Variants in MCM3 observed in about 807,000 individuals in gnomAD.
MCM3 encodes the protein minichromosome maintenance complex component 3, also known as DNA replication licensing factor MCM3.
A neutral mutation model predicts 91.3 loss-of-function variants in MCM3; 59 were observed. The observed-to-expected ratio is 0.65, with a 90% CI of 0.52 to 0.80. MCM3 has a LOEUF of 0.80. Ranked by LOEUF, MCM3 falls within the 30% of genes least tolerant of loss-of-function variation. The pLI is 0.00. For synonymous variants in MCM3, 383 were observed against 379.6 expected (o/e 1.01, Z -0.10); for missense variants, 919 against 1,035.4 (o/e 0.89, Z 1.54).
In MCM3 at chr6:52,276,335, G is replaced by C. The variant is rs1453972184; in HGVS notation, c.1307C>G (p.Ala436Gly). The change falls in exon 9 of 17, where the codon GCT (alanine) becomes GGT (glycine). Residue 436 changes from alanine to glycine, a missense_variant. Around this residue, in one of 3 missense-constraint regions of MCM3, gnomAD observed 233 missense variants for 321.2 expected, o/e 0.73. Coordinates refer to ENST00000596288, the MANE Select transcript of MCM3 (RefSeq NM_002388.6). ...MEQGRVTIAK[A>G]GIHARLNARC... The stretch of plus-strand genomic sequence containing the variant: ...GGCATTCAGCCGAGCATGGATGCCA[G>C]CCTTGGCAATGGTCACTCGACCCTG... The C allele has an allele frequency of 2.5e-6, 4 of 1,613,728 alleles. No homozygotes were observed. Among genetic ancestry groups the C allele is most frequent in the Non-Finnish European group, 3.4e-6 (4 of 1,180,016 alleles).
At chr6:52,276,076 T>G (rs964792638) in intron 9 of MCM3, 192 bp downstream of exon 9, 2 of 592,398 alleles carry the variant, frequency 3.4e-6, no homozygotes, top group South Asian at 2.1e-5. Context: ...TAAGGAACTT[T>G]CCAGGGGATT....
chr6:52,276,923 C>G lies in MCM3; in HGVS notation c.1165+144G>C. On this transcript the variant is annotated intron_variant, in intron 8 of 16. Coordinates refer to ENST00000596288, the MANE Select transcript of MCM3 (RefSeq NM_002388.6). The stretch of plus-strand genomic sequence containing the variant: ...GAACACCAAAGACTTAAATAATTCA[C>G]CCACCATTGCTGAATACTCAGTCCT... 3.4e-6 allele frequency: 3 copies of G among 874,816 alleles called. No individual in the cohort carries two copies. The South Asian group carries it at 5.6e-5, about 16-fold the overall frequency. 54.2% of individuals were successfully genotyped at this position (874,816 alleles called of 1,614,324 possible). A position where few individuals can be genotyped will look rare whatever the true frequency, so the allele number is the denominator to read the frequency against.
intron 12 of MCM3, among the ~76,000 whole-genome samples, chr6:52,269,471 C>T (rs1232852686): frequency 1.3e-5 from 2 of 152,046 alleles, no homozygotes; most frequent in African/African-American, 2.4e-5. Context: ...AGGCATCTAA[C>T]AACTGGAAAG....
Position 52,282,143 on chromosome 6 carries a change from C to G in MCM3, c.433G>C (p.Val145Leu). 1.2e-6 allele frequency: 2 copies of G among 1,614,084 alleles called. No individual in the cohort carries two copies. The highest frequency in any genetic ancestry group is 1.7e-6 in the Non-Finnish European group (2 of 1,179,990). ...TTCTTAGTAGCAGGACAGTAGTGGA[C>G]ACTGCGGACGACTTTGGGACGAACT... The part of the protein sequence containing the change: ...SLVRPKVVRS[V>L]HYCPATKKTI... Residue 145 changes from valine (V) to leucine (L), a missense_variant, in exon 4 of 17, where the codon GTC becomes CTC. This residue lies in a region of MCM3 where 401 missense variants were observed against 402.7 expected (regional missense o/e 1.00). Transcript: ENST00000596288.
chr6:52,264,740 G>T lies in MCM3; in HGVS notation c.2275C>A (p.His759Asn), dbSNP rs780753349. Residue 759 changes from histidine to asparagine, a missense_variant, in exon 17 of 17, where the codon CAT (histidine) becomes AAT (asparagine). His to Asn is a moderately conservative substitution (Grantham distance 68). Transcript: ENST00000596288. ...VALLDVFREAHAQSIGMNRLT... is the reference protein window; with the variant it reads ...VALLDVFREANAQSIGMNRLT... ...CGATTCATGCCGATTGACTGCGCAT[G>T]AGCTTCCCGGAACACATCCAAGAGG... 1.9e-6 allele frequency: 3 copies of T among 1,614,152 alleles called. No homozygotes were observed. In the South Asian group the frequency reaches 3.3e-5, roughly 18 times the overall value.
At chr6:52,275,298 G>A (rs1373151424) in intron 9 of MCM3, among the ~76,000 whole-genome samples, 1 of 152,148 alleles carries the variant, frequency 6.6e-6, no homozygotes, top group East Asian at 1.9e-4. Flanking sequence ...CATGAGCTCT[G>A]GGCTCAAATC....
In MCM3 at chr6:52,276,438, C is replaced by T; in HGVS notation, c.1204G>A (p.Asp402Asn). ...RLEAGAMVLADRGVVCIDEFD... is the reference protein window; with the variant it reads ...RLEAGAMVLANRGVVCIDEFD... ...TCATCAATGCAAACCACGCCTCGGTCAGCCAGGACCATGGCCCCTGCTTCC... is the reference window on the plus strand; with the variant it reads ...TCATCAATGCAAACCACGCCTCGGTTAGCCAGGACCATGGCCCCTGCTTCC... Residue 402 changes from aspartate to asparagine, a missense_variant, in exon 9 of 17, where the codon GAC (aspartate) becomes AAC (asparagine). By Grantham distance (23) the Asp-to-Asn change is conservative. Coordinates refer to ENST00000596288, the MANE Select transcript of MCM3 (RefSeq NM_002388.6). The T allele has an allele frequency of 6.2e-7, 1 of 1,614,206 alleles. No individual in the cohort carries two copies. Among genetic ancestry groups the T allele is most frequent in the Non-Finnish European group, 8.5e-7 (1 of 1,180,048 alleles).
chr6:52,268,288 A>C (rs1465710661), intron 13 of MCM3, among the ~76,000 whole-genome samples: 1 of 152,228 alleles, frequency 6.6e-6, no homozygotes, highest in Non-Finnish European at 1.5e-5. Context: ...CAGGTGTCTA[A>C]TTGAAATCCA....
chr6:52,279,264 G>C (rs890277398), intron 5 of MCM3, 97 bp downstream of exon 5: 1 of 1,032,372 alleles, frequency 9.7e-7, no homozygotes, highest in African/African-American at 1.6e-5. Context: ...CCACCTATCA[G>C]ATATAACTCT....
In MCM3 at chr6:52,269,219, G is replaced by C. The variant is rs1764901622; in HGVS notation, c.1835C>G (p.Pro612Arg). 1 of 1,610,050 alleles carries C rather than the reference G, an allele frequency of 6.2e-7. No homozygotes were observed. Among genetic ancestry groups the C allele is most frequent in the Non-Finnish European group, 8.5e-7 (1 of 1,176,928 alleles). The change falls in exon 13 of 17, where the codon CCA becomes CGA. Residue 612 changes from proline (P) to arginine (R), a missense_variant. Coordinates refer to ENST00000596288, the MANE Select transcript of MCM3 (RefSeq NM_002388.6). ...AGTTTCCAGTGTTCGGGCTGTAACT[G>C]GAGATGTCTAGGGAAGAAAAGGGAG... ...SMSSDTARTSPVTARTLETLI... is the reference protein window; with the variant it reads ...SMSSDTARTSRVTARTLETLI...
intron 7 of MCM3, 83 bp from the exon 8 acceptor site, chr6:52,277,281 C>T: frequency 6.8e-7 from 1 of 1,463,446 alleles, no homozygotes; most frequent in South Asian, 1.2e-5. Context: ...CAGCTCTTGA[C>T]ACAACAGAGT....
chr6:52,266,572 C>G (rs370609849), intron 15 of MCM3, 39 bp downstream of exon 15: 7 of 1,576,000 alleles, frequency 4.4e-6, no homozygotes, highest in Non-Finnish European at 4.4e-6. Context: ...CCAAGAGTCA[C>G]AGGAACAACC....
chr6:52,277,492 C>A (rs764473112), intron 7 of MCM3, 43 bp downstream of exon 7: 15 of 1,576,584 alleles, frequency 9.5e-6, no homozygotes, highest in East Asian at 6.7e-5. Context: ...TCCACAACCA[C>A]TCCATCAGAA....
chr6:52,273,750 T>A lies in MCM3; in HGVS notation c.1541A>T (p.Asp514Val), dbSNP rs764515115. ...TATTCTTATGGCCTCACCATCGCCA[T>A]CCTGCTCCCCAGGTGCTCTGTAACG... is the stretch of plus-strand genomic sequence containing the variant. Reference protein sequence around the residue: ...MHRYRAPGEQDGDAMPLGSAV... With the variant: ...MHRYRAPGEQVGDAMPLGSAV... Residue 514 changes from aspartate to valine, a missense_variant, in exon 10 of 17, where the codon GAT becomes GTT. By Grantham distance (152) the Asp-to-Val change is radical. Transcript: ENST00000596288. 1.2e-6 allele frequency: 2 copies of A among 1,610,272 alleles called. No individual in the cohort carries two copies. The highest frequency in any genetic ancestry group is 1.1e-5 in the South Asian group (1 of 90,704).
chr6:52,281,921 GGATT>G (rs1766132109), intron 4 of MCM3, 120 bp downstream of exon 4: 1 of 910,112 alleles, frequency 1.1e-6, no homozygotes, highest in Non-Finnish European at 1.6e-6. Flanking sequence ...TCTTTCCTTT[GGATT>G]AATCCTTATT....
Position 52,264,691 on chromosome 6 carries a change from T to C in MCM3, c.2324A>G (p.Asp775Gly). 2 of 1,614,176 alleles carry C rather than the reference T, an allele frequency of 1.2e-6. No homozygotes were observed. The highest frequency in any genetic ancestry group is 1.7e-6 in the Non-Finnish European group (2 of 1,180,018). ...AACTGAAGAGAAGGGCTCTTCGCTG[T>C]CCCGGTTGATGGATTCTGTGAGGCG... ...MNRLTESINR[D>G]SEEPFSSVEI... Residue 775 changes from aspartate to glycine, a missense_variant, in exon 17 of 17, where the codon GAC becomes GGC. Physicochemically the swap from Asp to Gly is moderately conservative, Grantham distance 94. Transcript: ENST00000596288.
chr6:52,266,630 T>A lies in MCM3; in HGVS notation c.2139A>T (p.Thr713=), dbSNP rs1764664572. Residue 713 remains threonine (T), a synonymous_variant, in exon 15 of 17, where the codon ACA becomes ACT. Transcript: ENST00000596288. ...ACTCACCTTGAGGCATTTCCTCCTC[T>A]GTGTCACTGAAGTCATAGGGGTCGT... The part of the protein sequence containing the change: ...DSYDPYDFSD[T]EEEMPQVHTP... 2 of 1,614,136 alleles carry A rather than the reference T, an allele frequency of 1.2e-6. No homozygotes were observed. Among genetic ancestry groups the A allele is most frequent in the African/African-American group, 2.7e-5 (2 of 75,048 alleles).
chr6:52,266,731 G>A (rs1307072937), intron 14 of MCM3, 35 bp from the exon 15 acceptor site: 1 of 1,559,030 alleles, frequency 6.4e-7, no homozygotes. Context: ...GAGAGAAAGA[G>A]TTTGGAGACA....
intron 5 of MCM3, 129 bp from the exon 6 acceptor site, chr6:52,278,979 G>T: frequency 1.6e-6 from 1 of 607,896 alleles, no homozygotes; most frequent in Non-Finnish European, 2.9e-6. Context: ...GGTGGGGAGG[G>T]GGCAGGTAGC....
Sources: allele counts gnomAD v4.1 joint callset (sites outside exome capture counted in the v4.1 genomes callset), GRCh38; gene constraint gnomAD v4.1.1; regional missense constraint gnomAD v4.1.1; transcripts MANE v1.5; gene names NCBI Gene and HGNC (gene_info 2026-07-23, HGNC 2026-07-21).